Variants in SLC35F4 observed in about 807,000 individuals in gnomAD.
SLC35F4 encodes solute carrier family 35 member F4.
SLC35F4 carries 24 observed loss-of-function variants against 44.2 expected under a neutral mutation model. The observed-to-expected ratio is 0.54, with a 90% CI of 0.39 to 0.76. SLC35F4 has a LOEUF of 0.76. Ranked by LOEUF, SLC35F4 falls within the 30% of genes least tolerant of loss-of-function variation. SLC35F4 has a pLI of 0.00. For synonymous variants in SLC35F4, 238 were observed against 223.6 expected, an observed-to-expected ratio of 1.06 and a Z score of -0.57; for missense variants, 562 against 586.1, an observed-to-expected ratio of 0.96 and a Z score of 0.42.
rs2139644805 is a variant in SLC35F4, at chr14:57,564,076, A to C, written c.*59T>G. The C allele has an allele frequency of 6.3e-7, 1 of 1,589,756 alleles. No individual in the cohort carries two copies. Among genetic ancestry groups the C allele is most frequent in the East Asian group, 2.3e-5 (1 of 44,424 alleles). On this transcript the variant is annotated 3_prime_UTR_variant, in exon 8 of 8. Coordinates refer to ENST00000556826, the MANE Select transcript of SLC35F4 (RefSeq NM_001306087.2). The stretch of plus-strand genomic sequence containing the variant: ...CTGTCGTTTGAGTGTACAGGTAGTG[A>C]GAAAATTTTGTTATATTCACAGAAT...
chr14:57,694,035 G>A (rs1229707950), intron 1 of SLC35F4, among the ~76,000 whole-genome samples: 2 of 152,080 alleles, frequency 1.3e-5, no homozygotes, highest in Non-Finnish European at 2.9e-5. Context: ...ATTATAACAT[G>A]GATTTAGAAA....
chr14:57,936,702 AAGTCTGCACT>A (rs72176415), intron 1 of SLC35F4, among the ~76,000 whole-genome samples: 7,558 of 152,252 alleles, frequency 0.05, 559 homozygotes, highest in African/African-American at 0.16. Context: ...TTGGTTTGGA[AAGTCTGCACT>A]AGACTCAGTA....
At chr14:57,591,909 G>A (rs773179122) in intron 2 of SLC35F4, among the ~76,000 whole-genome samples, 12 of 152,192 alleles carry the variant, frequency 7.9e-5, no homozygotes, top group South Asian at 4.1e-4. Flanking sequence ...TGAAGAATGC[G>A]TCTGCACCAC....
intron 1 of SLC35F4, among the ~76,000 whole-genome samples, chr14:57,895,371 A>T (rs1451021742): frequency 6.6e-6 from 1 of 152,066 alleles, no homozygotes; most frequent in Non-Finnish European, 1.5e-5. Flanking sequence ...CTTGGAAGAC[A>T]GTCAGTAATT....
intron 1 of SLC35F4, among the ~76,000 whole-genome samples, chr14:57,893,570 A>T (rs144460632): frequency 6.6e-6 from 1 of 152,218 alleles, no homozygotes; most frequent in Non-Finnish European, 1.5e-5. Flanking sequence ...TCAGAAGCTT[A>T]ATCTGCTCTG....
intron 1 of SLC35F4, among the ~76,000 whole-genome samples, chr14:57,939,667 A>G (rs1012367277): frequency 2.0e-5 from 3 of 152,228 alleles, no homozygotes; most frequent in South Asian, 2.1e-4. Context: ...TATGGGAGCC[A>G]TTTAATTAAT....
rs188189942 is a variant in SLC35F4 at position 57,808,801 on chromosome 14, G to A, written c.103+56922C>T. Among the ~76,000 whole-genome samples the A allele has an allele frequency of 6.6e-4, 100 of 152,246 alleles. No homozygotes were observed. In the Middle Eastern group the frequency reaches 0.02, roughly 31 times the overall value. ...AGCCTGGGTGACAGAGCGAGACTCC[G>A]TCTCAAAAAGAAAATTTTTTCTCAT... On this transcript the variant is annotated intron_variant, in intron 1 of 7. Transcript: ENST00000556826.
At chr14:57,739,751 T>A (rs929609646) in intron 1 of SLC35F4, among the ~76,000 whole-genome samples, 2 of 152,222 alleles carry the variant, frequency 1.3e-5, no homozygotes, top group African/African-American at 4.8e-5. Flanking sequence ...CTGAGTTTCA[T>A]CTATAAATCA....
intron 1 of SLC35F4, among the ~76,000 whole-genome samples, chr14:57,766,480 C>A (rs114066310): frequency 1.3e-5 from 2 of 152,158 alleles, no homozygotes; most frequent in Non-Finnish European, 2.9e-5. Flanking sequence ...ATATGGCTCT[C>A]ATTGTCAGCC....
chr14:57,881,813 T>C (rs1378058827), intron 1 of SLC35F4, among the ~76,000 whole-genome samples: 1 of 152,162 alleles, frequency 6.6e-6, no homozygotes, highest in Admixed American at 6.5e-5. Flanking sequence ...TAACCCAATC[T>C]GGTTTAAAGC....
At chr14:57,871,440 G>A (rs1243968555) in intron 1 of SLC35F4, among the ~76,000 whole-genome samples, 1 of 152,082 alleles carries the variant, frequency 6.6e-6, no homozygotes, top group Non-Finnish European at 1.5e-5. Flanking sequence ...AAACCCTTTT[G>A]AACAGCTGTG....
chr14:57,776,691 T>TAAAAAAAAAAAAAAAAAAAAAAAAAAA (rs2077498893), intron 1 of SLC35F4, among the ~76,000 whole-genome samples: 2 of 126,608 alleles, frequency 1.6e-5, no homozygotes, highest in African/African-American at 3.1e-5. Context: ...AAAAAAAAAT[T>TAAAAAAAAAAAAAAAAAAAAAAAAAAA]AAAGGCAGCT....
chr14:57,629,681 C>T (rs551722380), intron 1 of SLC35F4, among the ~76,000 whole-genome samples: 1 of 152,178 alleles, frequency 6.6e-6, no homozygotes, highest in East Asian at 1.9e-4. Context: ...ACTATATATG[C>T]ATCAATTTAT....
chr14:57,937,606 A>T (rs971285162), intron 1 of SLC35F4, among the ~76,000 whole-genome samples: 2 of 60,680 alleles, frequency 3.3e-5, no homozygotes, highest in African/African-American at 1.5e-4. Flanking sequence ...AAAAGAAAAG[A>T]AAAGAAAAGA....
At chr14:57,692,681 C>A (rs902629433) in intron 1 of SLC35F4, among the ~76,000 whole-genome samples, 6 of 151,972 alleles carry the variant, frequency 3.9e-5, no homozygotes, top group Non-Finnish European at 7.4e-5. Flanking sequence ...AACACAGTAG[C>A]CTTGATAAAT....
intron 1 of SLC35F4, among the ~76,000 whole-genome samples, chr14:57,742,291 G>A (rs1385724558): frequency 2.0e-5 from 3 of 152,178 alleles, no homozygotes; most frequent in Non-Finnish European, 4.4e-5. Context: ...ATTGGATAAA[G>A]AGTCAAGACC....
intron 4 of SLC35F4, 35 bp from the exon 5 acceptor site, chr14:57,572,054 T>C: frequency 1.9e-6 from 3 of 1,592,138 alleles, no homozygotes; most frequent in Non-Finnish European, 2.6e-6. Flanking sequence ...AGAAAAGCAA[T>C]GATCCCTCTG....
chr14:57,838,834 T>C (rs1184664377), intron 1 of SLC35F4, among the ~76,000 whole-genome samples: 1 of 151,904 alleles, frequency 6.6e-6, no homozygotes, highest in Non-Finnish European at 1.5e-5. Context: ...GGCAGGAAAA[T>C]ACAGGATTAT....
At chr14:57,798,121 C>CAAAAAAAA (rs60685029) in intron 1 of SLC35F4, among the ~76,000 whole-genome samples, 3 of 42,068 alleles carry the variant, frequency 7.1e-5, no homozygotes, top group South Asian at 1.0e-3. Context: ...GACCCACGAG[C>CAAAAAAAA]AAAAAAAAAA....
Sources: allele counts gnomAD v4.1 joint callset (sites outside exome capture counted in the v4.1 genomes callset), GRCh38; gene constraint gnomAD v4.1.1; transcripts MANE v1.5; gene names NCBI Gene and HGNC (gene_info 2026-07-23, HGNC 2026-07-21).